Variants in VEGFC observed in about 807,000 individuals in gnomAD.
The protein encoded by VEGFC is vascular endothelial growth factor C.
A neutral mutation model predicts 46.1 loss-of-function variants in VEGFC; 12 were observed. That is an observed-to-expected ratio of 0.26 (90% CI 0.17 to 0.42). VEGFC has a LOEUF of 0.42. Among genes scored for constraint, VEGFC ranks in the 10% least tolerant of loss-of-function variants. The pLI is 1.00. For synonymous variants in VEGFC, 232 were observed against 195.5 expected, an observed-to-expected ratio of 1.19 and a Z score of -1.56; for missense variants, 488 against 529.4, an observed-to-expected ratio of 0.92 and a Z score of 0.77.
rs535210743 is a variant in VEGFC at position 176,756,489 on chromosome 4, G to A, written c.148-26743C>T. ...GTAGCTGGGACCTCCACAAAAAAGA[G>A]CCAGTCATGCCCATCTAGGGAAGAA... On this transcript the variant is annotated intron_variant, in intron 1 of 6. Transcript: ENST00000618562. Among the ~76,000 whole-genome samples, 4 of 151,982 alleles carry A rather than the reference G, an allele frequency of 2.6e-5. No individual in the cohort carries two copies. The South Asian group carries it at 8.3e-4, about 31-fold the overall frequency.
At chr4:176,777,303 C>T (rs1382016442) in intron 1 of VEGFC, among the ~76,000 whole-genome samples, 2 of 152,120 alleles carry the variant, frequency 1.3e-5, no homozygotes, top group Non-Finnish European at 2.9e-5. Context: ...GCCGAGACAG[C>T]GAGACTCCGT....
At chr4:176,700,173 T>C (rs531408461) in intron 4 of VEGFC, among the ~76,000 whole-genome samples, 19 of 152,316 alleles carry the variant, frequency 1.2e-4, no homozygotes, top group African/African-American at 4.6e-4. Flanking sequence ...TCCCAGCATT[T>C]TGGGAGGTCG....
At chr4:176,699,829 T>TAAATTGTTA (rs1380965248) in intron 4 of VEGFC, among the ~76,000 whole-genome samples, 1 of 152,232 alleles carries the variant, frequency 6.6e-6, no homozygotes, top group Non-Finnish European at 1.5e-5. Context: ...AGGTTTTATA[T>TAAATTGTTA]AAATTGTTAA....
intron 4 of VEGFC, among the ~76,000 whole-genome samples, chr4:176,692,077 C>A (rs1016606122): frequency 2.7e-5 from 4 of 146,560 alleles, no homozygotes; most frequent in Non-Finnish European, 6.0e-5. Flanking sequence ...CACCCGAATA[C>A]TGCGCTTTTC....
intron 6 of VEGFC, among the ~76,000 whole-genome samples, chr4:176,684,814 C>T (rs1734009563): frequency 6.6e-6 from 1 of 152,222 alleles, no homozygotes; most frequent in Admixed American, 6.5e-5. Flanking sequence ...CAACCTCCGC[C>T]TCCTGGGCTC....
intron 1 of VEGFC, among the ~76,000 whole-genome samples, chr4:176,758,753 G>A (rs1487355982): frequency 6.6e-6 from 1 of 152,082 alleles, no homozygotes; most frequent in Admixed American, 6.6e-5. Context: ...GCCCCACATT[G>A]CATTCAAATA....
chr4:176,714,863 A>C (rs1351966662), intron 3 of VEGFC, among the ~76,000 whole-genome samples: 1 of 152,250 alleles, frequency 6.6e-6, no homozygotes, highest in East Asian at 1.9e-4. Flanking sequence ...TGGTGAGATG[A>C]AGAATAGCTA....
intron 4 of VEGFC, chr4:176,689,485 T>C (rs1393166474): frequency 6.6e-6 from 1 of 152,210 alleles, no homozygotes; most frequent in Admixed American, 6.5e-5. Flanking sequence ...AGCAAGTCTC[T>C]ACAGCATCTA....
chr4:176,716,584 G>GAAAAAAAAAAAAA (rs57274087), intron 3 of VEGFC, among the ~76,000 whole-genome samples: 2 of 43,760 alleles, frequency 4.6e-5, no homozygotes, highest in African/African-American at 2.0e-4. Context: ...CTCCCTCTCC[G>GAAAAAAAAAAAAA]AAAAAAAAAA....
chr4:176,703,451 G>A (rs1734470174), intron 4 of VEGFC, among the ~76,000 whole-genome samples: 1 of 152,042 alleles, frequency 6.6e-6, no homozygotes. Flanking sequence ...AGAGTAGAAT[G>A]ATGGTTACTA....
chr4:176,763,985 C>T (rs1026312864), intron 1 of VEGFC, among the ~76,000 whole-genome samples: 2 of 152,092 alleles, frequency 1.3e-5, no homozygotes, highest in Admixed American at 6.5e-5. Flanking sequence ...GCCATACTAA[C>T]GGCACAATAA....
At chr4:176,758,849 A>G (rs149931311) in intron 1 of VEGFC, among the ~76,000 whole-genome samples, 4 of 152,152 alleles carry the variant, frequency 2.6e-5, no homozygotes, top group Admixed American at 6.5e-5. Flanking sequence ...ATACCATCAC[A>G]TGGCCATTGT....
intron 1 of VEGFC, among the ~76,000 whole-genome samples, chr4:176,776,842 C>A (rs186354601): frequency 3.7e-4 from 56 of 152,278 alleles, no homozygotes; most frequent in African/African-American, 1.3e-3. Context: ...TCAAAATGAA[C>A]AACTTAGACA....
chr4:176,701,885 CTA>C (rs1734440286), intron 4 of VEGFC, among the ~76,000 whole-genome samples: 1 of 152,130 alleles, frequency 6.6e-6, no homozygotes, highest in Non-Finnish European at 1.5e-5. Context: ...GGAAGCTAAG[CTA>C]TCTCTCCATT....
rs188729484 is a variant in VEGFC, at chr4:176,747,420, C to G, written c.148-17674G>C. Among the ~76,000 whole-genome samples, 6 of 152,098 alleles carry G rather than the reference C, an allele frequency of 3.9e-5. No individual in the cohort carries two copies. The East Asian group carries it at 1.2e-3, about 30-fold the overall frequency. On this transcript the variant is annotated intron_variant, in intron 1 of 6. Transcript: ENST00000618562. ...AAAAAGAAATAGCACAGTCTTTATT[C>G]AAAAACTCTAAGGACTGTGACTGCA...
At chr4:176,777,065 G>A (rs1735825731) in intron 1 of VEGFC, among the ~76,000 whole-genome samples, 1 of 152,150 alleles carries the variant, frequency 6.6e-6, no homozygotes, top group South Asian at 2.1e-4. Context: ...TGTAATCCCA[G>A]CACTTTGGGA....
intron 1 of VEGFC, among the ~76,000 whole-genome samples, chr4:176,761,490 A>AT (rs1735529184): frequency 6.6e-6 from 1 of 152,226 alleles, no homozygotes; most frequent in Non-Finnish European, 1.5e-5. Flanking sequence ...TGAATACTAC[A>AT]TTAAGGACAA....
chr4:176,694,825 T>C (rs1268630701), intron 4 of VEGFC, among the ~76,000 whole-genome samples: 495 of 137,060 alleles, frequency 3.6e-3, no homozygotes, highest in African/African-American at 0.011. Context: ...ATTAAGAATC[T>C]CACTCAAAAC....
At chr4:176,752,392 C>T (rs1055428030) in intron 1 of VEGFC, among the ~76,000 whole-genome samples, 11 of 152,046 alleles carry the variant, frequency 7.2e-5, no homozygotes, top group African/African-American at 2.7e-4. Context: ...TGCTGACTTT[C>T]TACAATCTGA....
Sources: allele counts gnomAD v4.1 joint callset (sites outside exome capture counted in the v4.1 genomes callset), GRCh38; gene constraint gnomAD v4.1.1; transcripts MANE v1.5; gene names NCBI Gene and HGNC (gene_info 2026-07-23, HGNC 2026-07-21).